The following PCED1B variants were observed in gnomAD, a reference collection of about 807,000 sequenced individuals.
PCED1B encodes the protein PC-esterase domain-containing protein 1B.
For synonymous variants in PCED1B, 251 were observed against 246.1 expected (o/e 1.02, Z -0.19); for missense variants, 573 against 573.9 (o/e 1.00, Z 0.02).
At chr12:47,228,910 G>A (rs191528958) in intron 3 of PCED1B, among the ~76,000 whole-genome samples, 1 of 151,028 alleles carries the variant, frequency 6.6e-6, no homozygotes, top group East Asian at 2.0e-4. Flanking sequence ...GGTAATGTTG[G>A]TAAAGCACCT....
At chr12:47,139,878 T>C (rs921130243) in intron 2 of PCED1B, among the ~76,000 whole-genome samples, 3 of 152,064 alleles carry the variant, frequency 2.0e-5, no homozygotes, top group Admixed American at 2.0e-4. Flanking sequence ...TATGTGTGTA[T>C]GTATCTGTGT....
chr12:47,136,039 C>CTT (rs1940352141), intron 2 of PCED1B: 1 of 149,496 alleles, frequency 6.7e-6, no homozygotes, highest in Non-Finnish European at 1.5e-5. Flanking sequence ...GTACAGTAGC[C>CTT]TTTTTTCCTC....
At chr12:47,141,413 C>T (rs1940587618) in intron 2 of PCED1B, among the ~76,000 whole-genome samples, 1 of 152,172 alleles carries the variant, frequency 6.6e-6, no homozygotes, top group Non-Finnish European at 1.5e-5. Flanking sequence ...CATTCTGTTC[C>T]TCTGTGGACT....
chr12:47,216,893 TTTA>T (rs1239847270), intron 3 of PCED1B, among the ~76,000 whole-genome samples: 1 of 152,138 alleles, frequency 6.6e-6, no homozygotes, highest in Non-Finnish European at 1.5e-5. Flanking sequence ...AACTTGTAAA[TTTA>T]TTAAAATGGA....
intron 2 of PCED1B, among the ~76,000 whole-genome samples, chr12:47,157,879 A>G (rs539040443): frequency 6.6e-6 from 1 of 152,334 alleles, no homozygotes; most frequent in South Asian, 2.1e-4. Context: ...AGTATCTCAA[A>G]TAAATGGAAT....
intron 2 of PCED1B, chr12:47,135,949 CA>C (rs34127875): frequency 4.0e-3 from 591 of 146,292 alleles, no homozygotes; most frequent in South Asian, 0.013. Context: ...GATGGTTCTC[CA>C]AAAAAAAAAA....
At chr12:47,174,420 C>T (rs1057266227) in intron 2 of PCED1B, among the ~76,000 whole-genome samples, 1 of 142,338 alleles carries the variant, frequency 7.0e-6, no homozygotes, top group African/African-American at 2.6e-5. Context: ...AAAAAAAAAA[C>T]AAACAAAACA....
At chr12:47,189,388 C>T (rs1441399427) in intron 2 of PCED1B, among the ~76,000 whole-genome samples, 1 of 152,134 alleles carries the variant, frequency 6.6e-6, no homozygotes, top group African/African-American at 2.4e-5. Context: ...ATTCTTGTGC[C>T]GTGAATGGAG....
intron 2 of PCED1B, among the ~76,000 whole-genome samples, chr12:47,156,912 C>T (rs1941212354): frequency 6.6e-6 from 1 of 152,012 alleles, no homozygotes; most frequent in Admixed American, 6.6e-5. Context: ...TGTAAAAGGA[C>T]AAAAATAATA....
chr12:47,115,673 A>C (rs11183738), intron 2 of PCED1B, among the ~76,000 whole-genome samples: 33,118 of 152,158 alleles, frequency 0.22, 4,651 homozygotes, highest in Non-Finnish European at 0.31. Context: ...CTTATCTTAG[A>C]GATTAAGTTC....
intron 2 of PCED1B, among the ~76,000 whole-genome samples, chr12:47,107,704 C>A (rs1042896253): frequency 2.0e-5 from 3 of 152,170 alleles, no homozygotes; most frequent in Non-Finnish European, 4.4e-5. Flanking sequence ...GAGAGAATGC[C>A]AGCTGGGGAC....
intron 1 of PCED1B, among the ~76,000 whole-genome samples, chr12:47,086,076 T>C (rs564347941): frequency 1.3e-5 from 2 of 152,308 alleles, no homozygotes; most frequent in African/African-American, 4.8e-5. Flanking sequence ...AATGCTGCAA[T>C]AGCCATACAA....
At chr12:47,226,075 T>C (rs1696001771) in intron 3 of PCED1B, among the ~76,000 whole-genome samples, 2 of 152,230 alleles carry the variant, frequency 1.3e-5, no homozygotes, top group South Asian at 4.1e-4. Context: ...TAATTTATTG[T>C]GGCAGTAGAC....
intron 2 of PCED1B, among the ~76,000 whole-genome samples, chr12:47,139,088 C>A (rs1436790685): frequency 6.6e-6 from 1 of 152,092 alleles, no homozygotes; most frequent in African/African-American, 2.4e-5. Context: ...CCTTTTTGTA[C>A]CCCTCTGATA....
At chr12:47,179,824 G>A (rs1942039334) in intron 2 of PCED1B, among the ~76,000 whole-genome samples, 1 of 151,892 alleles carries the variant, frequency 6.6e-6, no homozygotes, top group Admixed American at 6.6e-5. Flanking sequence ...CTTCTACTGA[G>A]ATTAAATTTT....
intron 1 of PCED1B, chr12:47,080,092 C>G (rs1285993919): frequency 1.3e-5 from 2 of 152,534 alleles, no homozygotes; most frequent in East Asian, 3.9e-4. Flanking sequence ...CTTTCCTCCT[C>G]CAGCTCCCAC....
intron 2 of PCED1B, among the ~76,000 whole-genome samples, chr12:47,155,325 C>T (rs779986735): frequency 2.0e-5 from 3 of 152,296 alleles, no homozygotes; most frequent in African/African-American, 7.2e-5. Context: ...AGAAAAGTCA[C>T]TGCCAATTAA....
In PCED1B at chr12:47,082,113, G is replaced by A. The variant is rs530263628; in HGVS notation, c.-609+2388G>A. Among the ~76,000 whole-genome samples the A allele has an allele frequency of 3.9e-5, 6 of 152,302 alleles. No individual in the cohort carries two copies. The South Asian group carries it at 1.2e-3, about 32-fold the overall frequency. On this transcript the variant is annotated intron_variant, in intron 1 of 3. Transcript: ENST00000546455. ...AAGGTATAAGACGTGACCTTATTTTGTGGAGGATAACATTTTTATCTTTCT... is the reference window on the plus strand; with the variant it reads ...AAGGTATAAGACGTGACCTTATTTTATGGAGGATAACATTTTTATCTTTCT...
At chr12:47,117,719 G>A (rs4436624) in intron 2 of PCED1B, among the ~76,000 whole-genome samples, 14,203 of 152,174 alleles carry the variant, frequency 0.093, 1,142 homozygotes, top group African/African-American at 0.22. Context: ...ACCCAGTAAT[G>A]GGATGGCTGG....
Sources: allele counts gnomAD v4.1 joint callset (sites outside exome capture counted in the v4.1 genomes callset), GRCh38; gene constraint gnomAD v4.1.1; transcripts MANE v1.5; gene names NCBI Gene and HGNC (gene_info 2026-07-23, HGNC 2026-07-21).